The following PAPOLG variants were observed in gnomAD, a reference collection of about 807,000 sequenced individuals.
The protein encoded by PAPOLG is PAP-gamma.
PAPOLG carries 40 observed loss-of-function variants against 99.0 expected under a neutral mutation model. The ratio of observed to expected loss-of-function variants is 0.40; its 90% CI spans 0.31 to 0.53. PAPOLG has a LOEUF of 0.53. Ranked by LOEUF, PAPOLG falls within the 20% of genes least tolerant of loss-of-function variation. The pLI, the probability that PAPOLG is intolerant of heterozygous loss-of-function variation, is 0.41. For synonymous variants in PAPOLG, 310 were observed against 299.3 expected, an observed-to-expected ratio of 1.04 and a Z score of -0.37; for missense variants, 675 against 884.1, an observed-to-expected ratio of 0.76 and a Z score of 3.00.
At chr2:60,756,614 T>A in intron 1 of PAPOLG, 119 bp downstream of exon 1, 7 of 1,136,670 alleles carry the variant, frequency 6.2e-6, no homozygotes, top group Non-Finnish European at 8.6e-6. Flanking sequence ...GCCGGGATGG[T>A]CTCCTTCCCG....
chr2:60,768,654 G>A (rs1670757737), intron 4 of PAPOLG, 103 bp downstream of exon 4: 1 of 1,322,512 alleles, frequency 7.6e-7, no homozygotes, highest in Non-Finnish European at 1.1e-6. Flanking sequence ...ACTACTTAGA[G>A]CTAATCATTG....
At chr2:60,775,223 T>TG (rs1329551395) in intron 8 of PAPOLG, 100 bp downstream of exon 8, 12 of 1,372,202 alleles carry the variant, frequency 8.7e-6, no homozygotes, top group Non-Finnish European at 1.2e-5. Context: ...ATGATATTGT[T>TG]GGAGGTTAAG....
rs1005742869 is a variant in PAPOLG, at chr2:60,797,338, A to G, written c.*178A>G. 19 of 684,348 alleles carry G rather than the reference A, an allele frequency of 2.8e-5. No homozygotes were observed. Among genetic ancestry groups the G allele is most frequent in the Admixed American group, 1.4e-4 (5 of 35,986 alleles). 42.4% of individuals were successfully genotyped at this position (684,348 alleles called of 1,614,324 possible). ...AACTTTGACCTGTAGATGCTGTAGC[A>G]TTCTCTCACTGATTGCTACATACAC... On this transcript the variant is annotated 3_prime_UTR_variant, in exon 22 of 22. Coordinates refer to ENST00000238714, the MANE Select transcript of PAPOLG (RefSeq NM_022894.4).
chr2:60,756,963 T>G (rs753598144), intron 1 of PAPOLG, among the ~76,000 whole-genome samples: 1 of 151,758 alleles, frequency 6.6e-6, no homozygotes, highest in South Asian at 2.1e-4. Context: ...GAGGCTACAG[T>G]CTTTTCACCG....
intron 11 of PAPOLG, among the ~76,000 whole-genome samples, chr2:60,782,370 C>A (rs1364204278): frequency 1.3e-5 from 2 of 152,028 alleles, no homozygotes; most frequent in Non-Finnish European, 2.9e-5. Context: ...AGTTCAAGAC[C>A]AGCCTAGCCA....
At position 60,781,971 on chromosome 2, in the gene PAPOLG, A is replaced by G. The variant is rs1486400247; in HGVS notation, c.993A>G (p.Ser331=). The G allele has an allele frequency of 6.2e-7, 1 of 1,613,988 alleles. No homozygotes were observed. The highest frequency in any genetic ancestry group is 1.7e-5 in the Admixed American group (1 of 60,014). ...ATTCTACGTATAATGTGTCCACATC[A>G]ACTCGAACAGTAATGGTAGAAGAAT... is the stretch of plus-strand genomic sequence containing the variant. The part of the protein sequence containing the change: ...QQNSTYNVST[S]TRTVMVEEFK... The change falls in exon 11 of 22, where the codon TCA becomes TCG. Residue 331 remains serine (S), a synonymous_variant. Transcript: ENST00000238714.
chr2:60,759,721 T>C (rs929858159), intron 1 of PAPOLG, among the ~76,000 whole-genome samples: 1 of 152,234 alleles, frequency 6.6e-6, no homozygotes, highest in Non-Finnish European at 1.5e-5. Flanking sequence ...AAACCCATTG[T>C]TTTTACTAAA....
intron 10 of PAPOLG, 24 bp downstream of exon 10, chr2:60,780,803 C>G (rs1366190857): frequency 1.3e-6 from 2 of 1,555,000 alleles, no homozygotes; most frequent in Admixed American, 3.3e-5. Context: ...TATGGAGTTT[C>G]TTTAAAGCTT....
intron 13 of PAPOLG, among the ~76,000 whole-genome samples, chr2:60,785,255 C>G (rs1280894642): frequency 6.6e-6 from 1 of 152,154 alleles, no homozygotes; most frequent in South Asian, 2.1e-4. Flanking sequence ...TCTCCTGCCT[C>G]AGCCTGGCAA....
At chr2:60,782,123 C>A in intron 11 of PAPOLG, 118 bp downstream of exon 11, 3 of 1,093,180 alleles carry the variant, frequency 2.7e-6, no homozygotes, top group Non-Finnish European at 3.9e-6. Flanking sequence ...TCTAAAAATT[C>A]TTTCAAGTAT....
intron 7 of PAPOLG, among the ~76,000 whole-genome samples, chr2:60,772,189 A>T (rs1670873517): frequency 6.6e-6 from 1 of 152,216 alleles, no homozygotes; most frequent in African/African-American, 2.4e-5. Flanking sequence ...CACGCCTGTA[A>T]TCCCAGCCCT....
chr2:60,768,746 A>ATGTGT, intron 4 of PAPOLG, 35 bp from the exon 5 acceptor site: 1 of 1,478,802 alleles, frequency 6.8e-7, no homozygotes, highest in Non-Finnish European at 9.1e-7. Context: ...ATAACACATA[A>ATGTGT]TATATTCTTA....
intron 11 of PAPOLG, 67 bp downstream of exon 11, chr2:60,782,072 G>T: frequency 2.0e-6 from 3 of 1,489,672 alleles, no homozygotes; most frequent in Non-Finnish European, 2.8e-6. Flanking sequence ...TTTATTCTCT[G>T]TTGCAGCTAT....
chr2:60,783,814 TA>T (rs1385500133), intron 13 of PAPOLG, among the ~76,000 whole-genome samples: 1 of 151,322 alleles, frequency 6.6e-6, no homozygotes, highest in African/African-American at 2.4e-5. Flanking sequence ...CTTCAGTGTT[TA>T]AAATATGCCA....
At chr2:60,766,488 A>T (rs1670678743) in intron 3 of PAPOLG, among the ~76,000 whole-genome samples, 1 of 152,006 alleles carries the variant, frequency 6.6e-6, no homozygotes, top group Non-Finnish European at 1.5e-5. Context: ...AAAAAGCAAG[A>T]CCCCATCTTT....
chr2:60,780,572 G>A (rs1441041688), intron 9 of PAPOLG, 135 bp from the exon 10 acceptor site: 22 of 826,682 alleles, frequency 2.7e-5, no homozygotes, highest in East Asian at 1.7e-4. Context: ...CACCATGCTC[G>A]GCCTTTTTTT....
In PAPOLG at chr2:60,794,060, A is replaced by G. The variant is rs1311096930; in HGVS notation, c.1858A>G (p.Thr620Ala). Reference sequence around the variant, plus strand: ...ACGAAATGTCATTCCTAGAATCACAACACCTCACAACCCTGCCCAGGGACA... The same window carrying G: ...ACGAAATGTCATTCCTAGAATCACAGCACCTCACAACCCTGCCCAGGGACA... ...VGRNVIPRIT[T>A]PHNPAQGQPH... The change falls in exon 19 of 22, where the codon ACA becomes GCA. Residue 620 changes from threonine to alanine, a missense_variant. By Grantham distance (58) the Thr-to-Ala change is moderately conservative (BLOSUM62 0). Around this residue, in one of 3 missense-constraint regions of PAPOLG, gnomAD observed 413 missense variants for 460.5 expected, o/e 0.90. Coordinates refer to ENST00000238714, the MANE Select transcript of PAPOLG (RefSeq NM_022894.4). 4.3e-6 allele frequency: 7 copies of G among 1,614,150 alleles called. No individual in the cohort carries two copies. The highest frequency in any genetic ancestry group is 2.2e-5 in the South Asian group (2 of 91,080).
chr2:60,790,775 C>T (rs1454186537), intron 15 of PAPOLG, among the ~76,000 whole-genome samples: 11 of 152,152 alleles, frequency 7.2e-5, no homozygotes, highest in African/African-American at 2.2e-4. Context: ...TGAATTGCAC[C>T]TTGGATATTT....
At position 60,788,285 on chromosome 2, in the gene PAPOLG, C is replaced by T. The variant is rs149635194; in HGVS notation, c.1396+665C>T. Among the ~76,000 whole-genome samples, 6 of 152,124 alleles carry T rather than the reference C, an allele frequency of 3.9e-5. No homozygotes were observed. In the East Asian group the frequency reaches 9.6e-4, roughly 24 times the overall value. On this transcript the variant is annotated intron_variant, in intron 15 of 21. Coordinates refer to ENST00000238714, the MANE Select transcript of PAPOLG (RefSeq NM_022894.4). ...GGAGACATCACTGAATACTCTTCAA[C>T]GCTTTAAGTTTTGTAGCATGTGAAT...
Sources: gnomAD v4.1 joint callset for allele counts (sites outside exome capture counted in the v4.1 genomes callset) on GRCh38, gnomAD v4.1.1 for gene constraint, gnomAD v4.1.1 regional missense constraint, MANE v1.5 for transcripts, NCBI Gene and HGNC (gene_info 2026-07-23, HGNC 2026-07-21) for gene names.